Variants in RABGAP1L observed in about 807,000 individuals in gnomAD.
RABGAP1L encodes RAB GTPase activating protein 1 like.
Under a neutral mutation model 137.7 loss-of-function variants are expected in RABGAP1L, and 63 were observed. That is an observed-to-expected ratio of 0.46 (90% confidence interval 0.37 to 0.56). The LOEUF (loss-of-function observed/expected upper bound fraction) is 0.56. Ranked by LOEUF, RABGAP1L falls within the 20% of genes least tolerant of loss-of-function variation. RABGAP1L has a pLI of 0.00. For synonymous variants in RABGAP1L, 431 were observed against 433.7 expected, an observed-to-expected ratio of 0.99 and a Z score of 0.08; for missense variants, 1,095 against 1,244.0, an observed-to-expected ratio of 0.88 and a Z score of 1.80.
intron 13 of RABGAP1L, among the ~76,000 whole-genome samples, chr1:174,498,866 G>A (rs2149370947): frequency 6.6e-6 from 1 of 151,988 alleles, no homozygotes; most frequent in East Asian, 1.9e-4. Flanking sequence ...AAAAAGCCAA[G>A]AATTGACTCT....
At chr1:174,462,409 T>C (rs1370101297) in intron 13 of RABGAP1L, among the ~76,000 whole-genome samples, 1 of 152,226 alleles carries the variant, frequency 6.6e-6, no homozygotes, top group African/African-American at 2.4e-5. Context: ...AAATTTTACA[T>C]TGTTATCTCC....
chr1:174,182,796 T>A (rs1196827208), intron 1 of RABGAP1L, among the ~76,000 whole-genome samples: 1 of 152,242 alleles, frequency 6.6e-6, no homozygotes, highest in East Asian at 1.9e-4. Context: ...AAATTAGAAC[T>A]GCAAATATGT....
chr1:174,503,548 C>T (rs374518528), intron 13 of RABGAP1L, among the ~76,000 whole-genome samples: 156 of 149,468 alleles, frequency 1.0e-3, no homozygotes, highest in African/African-American at 3.5e-3. Flanking sequence ...GTAGTCCCAG[C>T]TACTGGGGAG....
chr1:174,971,680 A>G (rs1670144008), intron 21 of RABGAP1L, among the ~76,000 whole-genome samples: 1 of 152,222 alleles, frequency 6.6e-6, no homozygotes, highest in Non-Finnish European at 1.5e-5. Context: ...TTTGCTTACC[A>G]AAAAGCTGTC....
chr1:174,388,507 GAA>G (rs1330371553), intron 12 of RABGAP1L, among the ~76,000 whole-genome samples: 7 of 151,520 alleles, frequency 4.6e-5, no homozygotes, highest in African/African-American at 1.5e-4. Flanking sequence ...GAGAGAGAGA[GAA>G]AACATTTGGG....
intron 17 of RABGAP1L, among the ~76,000 whole-genome samples, chr1:174,711,741 A>T (rs1680539955): frequency 6.6e-6 from 1 of 152,014 alleles, no homozygotes; most frequent in Non-Finnish European, 1.5e-5. Context: ...ACTGCCCCCT[A>T]CTCCGGGGGC....
At chr1:174,881,586 G>A (rs944901488) in intron 19 of RABGAP1L, among the ~76,000 whole-genome samples, 1 of 136,164 alleles carries the variant, frequency 7.3e-6, no homozygotes, top group African/African-American at 2.8e-5. Context: ...TGCAACCTTC[G>A]CCTCCTGGGT....
intron 11 of RABGAP1L, among the ~76,000 whole-genome samples, chr1:174,342,658 G>A (rs925631060): frequency 2.0e-5 from 3 of 151,014 alleles, no homozygotes; most frequent in Admixed American, 2.0e-4. Flanking sequence ...GTGCAGATGG[G>A]TAGATAAAAT....
chr1:174,707,556 C>A (rs1680149435), intron 17 of RABGAP1L, among the ~76,000 whole-genome samples: 1 of 152,130 alleles, frequency 6.6e-6, no homozygotes, highest in Admixed American at 6.5e-5. Context: ...GTTACTTGAC[C>A]TATGTAAATC....
intron 17 of RABGAP1L, among the ~76,000 whole-genome samples, chr1:174,732,729 C>T (rs1401784968): frequency 6.6e-6 from 1 of 152,112 alleles, no homozygotes; most frequent in Non-Finnish European, 1.5e-5. Flanking sequence ...AGCTGGTGAA[C>T]ACTAGAACAG....
At chr1:174,627,320 G>C (rs1409001618) in intron 13 of RABGAP1L, among the ~76,000 whole-genome samples, 1 of 152,148 alleles carries the variant, frequency 6.6e-6, no homozygotes, top group Non-Finnish European at 1.5e-5. Context: ...AAAATAATAG[G>C]CTGTGGTCAT....
intron 13 of RABGAP1L, among the ~76,000 whole-genome samples, chr1:174,441,404 A>G (rs920857481): frequency 1.3e-5 from 2 of 152,248 alleles, no homozygotes; most frequent in Non-Finnish European, 2.9e-5. Flanking sequence ...TTATAATCCT[A>G]TCGGAAAAAA....
chr1:174,375,937 G>A lies in RABGAP1L; in HGVS notation c.1559+4865G>A, dbSNP rs186118221. ...AAAAAAATTAGCCAGGCATGGTGGTGTGCACCTGTAATCTCAGCTACCCGG... is the reference window on the plus strand; with the variant it reads ...AAAAAAATTAGCCAGGCATGGTGGTATGCACCTGTAATCTCAGCTACCCGG... On this transcript the variant is annotated intron_variant, in intron 12 of 25. Transcript: ENST00000681986. Among the ~76,000 whole-genome samples, 35 of 152,054 alleles carry A rather than the reference G, an allele frequency of 2.3e-4. No homozygotes were observed. In the East Asian group the frequency reaches 3.7e-3, roughly 16 times the overall value.
intron 7 of RABGAP1L, among the ~76,000 whole-genome samples, chr1:174,254,905 AT>A (rs2148608866): frequency 6.6e-6 from 1 of 152,286 alleles, no homozygotes; most frequent in East Asian, 1.9e-4. Context: ...TCTTTGAGGA[AT>A]CACCACACTG....
At chr1:174,534,141 T>TGTGTGTGTGTGTGC (rs2147901155) in intron 13 of RABGAP1L, among the ~76,000 whole-genome samples, 2 of 98,554 alleles carry the variant, frequency 2.0e-5, no homozygotes, top group Non-Finnish European at 4.2e-5. Context: ...TCTGTGTGTG[T>TGTGTGTGTGTGTGC]GTGTGTGTGT....
At chr1:174,512,882 T>C (rs951234120) in intron 13 of RABGAP1L, among the ~76,000 whole-genome samples, 1 of 152,222 alleles carries the variant, frequency 6.6e-6, no homozygotes, top group African/African-American at 2.4e-5. Context: ...TACAAAATTA[T>C]ATATGCTGTT....
intron 19 of RABGAP1L, chr1:174,874,237 C>G (rs1486564706): frequency 6.6e-6 from 1 of 151,802 alleles, no homozygotes; most frequent in Admixed American, 6.6e-5. Flanking sequence ...TCAAATAAAC[C>G]TATTTGATAT....
intron 11 of RABGAP1L, among the ~76,000 whole-genome samples, chr1:174,348,972 G>A (rs1450543436): frequency 5.3e-5 from 8 of 151,944 alleles, no homozygotes; most frequent in African/African-American, 1.9e-4. Flanking sequence ...TGAGCTGTTG[G>A]GCACACCTCC....
intron 13 of RABGAP1L, among the ~76,000 whole-genome samples, chr1:174,620,152 G>T (rs1178729308): frequency 6.6e-6 from 1 of 152,044 alleles, no homozygotes; most frequent in Non-Finnish European, 1.5e-5. Context: ...TTAGAGACCT[G>T]CAAGAGACTT....
Sources: gnomAD v4.1 joint callset for allele counts (sites outside exome capture counted in the v4.1 genomes callset) on GRCh38, gnomAD v4.1.1 for gene constraint, MANE v1.5 for transcripts, NCBI Gene and HGNC (gene_info 2026-07-23, HGNC 2026-07-21) for gene names.